Variants in ARAP2 observed in about 807,000 individuals in gnomAD.
ARAP2 encodes arf-GAP with Rho-GAP domain, ANK repeat and PH domain-containing protein 2.
Under a neutral mutation model 194.5 loss-of-function variants are expected in ARAP2, and 148 were observed. The ratio of observed to expected loss-of-function variants is 0.76; its 90% confidence interval spans 0.67 to 0.87. The LOEUF is 0.87. Ranked by LOEUF, ARAP2 falls within the 40% of genes least tolerant of loss-of-function variation. ARAP2 has a pLI of 0.00. For synonymous variants in ARAP2, 695 were observed against 683.5 expected (o/e 1.02, Z -0.26); for missense variants, 2,128 against 1,989.7 (o/e 1.07, Z -1.32).
intron 27 of ARAP2, among the ~76,000 whole-genome samples, chr4:36,096,124 G>A (rs1715115694): frequency 6.6e-6 from 1 of 151,974 alleles, no homozygotes; most frequent in Non-Finnish European, 1.5e-5. Context: ...AGCACTTTGG[G>A]AGGATGGGGC....
intron 5 of ARAP2, chr4:36,045,968 G>A (rs1460236235): frequency 6.6e-6 from 1 of 152,112 alleles, no homozygotes; most frequent in African/African-American, 2.4e-5. Flanking sequence ...ACAAAGCATT[G>A]AGAAACTTAC....
At chr4:36,230,372 A>G (rs1751202239) in intron 1 of ARAP2, among the ~76,000 whole-genome samples, 1 of 152,280 alleles carries the variant, frequency 6.6e-6, no homozygotes, top group Admixed American at 6.5e-5. Flanking sequence ...AAAAGCAGTC[A>G]GAACATATTT....
chr4:36,178,402 C>T (rs79513224), intron 8 of ARAP2, among the ~76,000 whole-genome samples: 45,783 of 152,046 alleles, frequency 0.3, 8,370 homozygotes, highest in East Asian at 0.54. Context: ...ATATTGCTAC[C>T]CAACAATTAA....
At chr4:36,141,239 T>A (rs896587809) in intron 19 of ARAP2, among the ~76,000 whole-genome samples, 1 of 151,662 alleles carries the variant, frequency 6.6e-6, no homozygotes, top group African/African-American at 2.4e-5. Flanking sequence ...CAATATTATT[T>A]TTTTATTTGC....
intron 19 of ARAP2, among the ~76,000 whole-genome samples, chr4:36,138,258 TG>T (rs1643048742): frequency 6.6e-6 from 1 of 151,716 alleles, no homozygotes; most frequent in Admixed American, 6.6e-5. Flanking sequence ...TTTAAGTGTA[TG>T]GTTTGAAATA....
chr4:36,136,927 C>CGT (rs1560507564), intron 19 of ARAP2, among the ~76,000 whole-genome samples: 5 of 25,920 alleles, frequency 1.9e-4, no homozygotes, highest in South Asian at 2.1e-3. Context: ...CATACACGCG[C>CGT]GCGCGCACAC....
At chr4:36,176,944 ATCT>A (rs1349387604) in intron 9 of ARAP2, among the ~76,000 whole-genome samples, 1 of 152,102 alleles carries the variant, frequency 6.6e-6, no homozygotes, top group African/African-American at 2.4e-5. Context: ...AAATGAGTTC[ATCT>A]TAGATCAGCT....
At chr4:36,017,336 A>G (rs1716003371) in intron 6 of ARAP2, among the ~76,000 whole-genome samples, 1 of 151,770 alleles carries the variant, frequency 6.6e-6, no homozygotes, top group African/African-American at 2.4e-5. Context: ...AGCACTGAAC[A>G]AAAAACTAAG....
chr4:36,162,321 T>C (rs1223306441), intron 11 of ARAP2, among the ~76,000 whole-genome samples: 2 of 152,188 alleles, frequency 1.3e-5, no homozygotes, highest in African/African-American at 4.8e-5. Context: ...ATTGAAAAAC[T>C]AGTTACATGT....
intron 8 of ARAP2, among the ~76,000 whole-genome samples, chr4:36,013,894 T>C (rs544168056): frequency 6.6e-6 from 1 of 152,156 alleles, no homozygotes; most frequent in East Asian, 1.9e-4. Context: ...AGTTAGAACA[T>C]ATTTCTCATC....
intron 31 of ARAP2, among the ~76,000 whole-genome samples, chr4:36,076,470 G>C (rs12498332): frequency 0.93 from 141,518 of 152,082 alleles, 65,869 homozygotes; most frequent in South Asian, 0.96. Context: ...AATTACTTGA[G>C]AGAATTTTCT....
intron 2 of ARAP2, among the ~76,000 whole-genome samples, chr4:36,052,723 G>C (rs1015760457): frequency 6.6e-6 from 1 of 152,150 alleles, no homozygotes; most frequent in Non-Finnish European, 1.5e-5. Context: ...CCAGCACTTT[G>C]GGAGGCCGAG....
At chr4:36,083,343 T>C (rs774975655) in intron 29 of ARAP2, 25 bp downstream of exon 29, 38 of 1,541,542 alleles carry the variant, frequency 2.5e-5, no homozygotes, top group Non-Finnish European at 3.0e-5. Flanking sequence ...GTTTTTCCTT[T>C]CAGCACTTCC....
chr4:36,111,541 C>T (rs1719986303), intron 26 of ARAP2, among the ~76,000 whole-genome samples: 1 of 151,954 alleles, frequency 6.6e-6, no homozygotes, highest in South Asian at 2.1e-4. Flanking sequence ...TTTGTTTATA[C>T]ATTGACACAT....
chr4:36,006,667 A>T (rs1345558452), intron 10 of ARAP2: 1 of 152,126 alleles, frequency 6.6e-6, no homozygotes, highest in Admixed American at 6.5e-5. Flanking sequence ...ATTTGGAATT[A>T]TTTTTATATA....
intron 8 of ARAP2, among the ~76,000 whole-genome samples, chr4:36,014,150 G>A (rs1022826546): frequency 2.0e-5 from 3 of 151,000 alleles, no homozygotes; most frequent in Non-Finnish European, 2.9e-5. Context: ...ATCTTGAGCC[G>A]AGGGAGGTTG....
At chr4:36,192,429 G>A (rs1320282216) in intron 7 of ARAP2, among the ~76,000 whole-genome samples, 1 of 151,806 alleles carries the variant, frequency 6.6e-6, no homozygotes, top group African/African-American at 2.4e-5. Context: ...AGGGAAAGAG[G>A]GAAAAACAGT....
At chr4:36,219,546 G>C (rs1280391691) in intron 2 of ARAP2, among the ~76,000 whole-genome samples, 1 of 152,186 alleles carries the variant, frequency 6.6e-6, no homozygotes, top group Non-Finnish European at 1.5e-5. Context: ...TTTGGGAAAA[G>C]TGGAGATGAG....
At chr4:36,216,782 T>C (rs73229035) in intron 2 of ARAP2, among the ~76,000 whole-genome samples, 5,728 of 152,184 alleles carry the variant, frequency 0.038, 127 homozygotes, top group South Asian at 0.062. Flanking sequence ...TCAAAAATCA[T>C]CATGCTGAGC....
Sources: gnomAD v4.1 joint callset for allele counts (sites outside exome capture counted in the v4.1 genomes callset) on GRCh38, gnomAD v4.1.1 for gene constraint, MANE v1.5 for transcripts, NCBI Gene and HGNC (gene_info 2026-07-23, HGNC 2026-07-21) for gene names.